DIS3L2: variants seen among roughly 807,000 people sequenced by gnomAD.
DIS3L2 encodes DIS3-like exonuclease 2.
Under a neutral mutation model 97.5 loss-of-function variants are expected in DIS3L2, and 34 were observed. The ratio of observed to expected loss-of-function variants is 0.35; its 90% CI spans 0.27 to 0.46. The LOEUF is 0.46. Among genes scored for constraint, DIS3L2 ranks in the 20% least tolerant of loss-of-function variants. The pLI, the probability that DIS3L2 is intolerant of heterozygous loss-of-function variation, is 1.00. For synonymous variants in DIS3L2, 435 were observed against 445.2 expected (o/e 0.98, Z 0.29); for missense variants, 1,038 against 1,146.0 (o/e 0.91, Z 1.36).
chr2:232,278,305 G>A (rs1445118967), intron 13 of DIS3L2, among the ~76,000 whole-genome samples: 1 of 151,564 alleles, frequency 6.6e-6, no homozygotes, highest in Non-Finnish European at 1.5e-5. Context: ...TTAGCTAAAA[G>A]CACTTTTTTC....
chr2:232,104,587 C>G (rs1004387890), intron 6 of DIS3L2, among the ~76,000 whole-genome samples: 13 of 152,146 alleles, frequency 8.5e-5, no homozygotes, highest in African/African-American at 2.9e-4. Context: ...CATTTCTCCC[C>G]CAACCCCTGA....
intron 10 of DIS3L2, among the ~76,000 whole-genome samples, chr2:232,223,560 G>A (rs1267088105): frequency 6.6e-6 from 1 of 152,122 alleles, no homozygotes; most frequent in Non-Finnish European, 1.5e-5. Flanking sequence ...ATATACTTCT[G>A]ATCCTTTTCC....
chr2:232,126,027 C>T (rs1022244240), intron 6 of DIS3L2, among the ~76,000 whole-genome samples: 5 of 152,192 alleles, frequency 3.3e-5, no homozygotes, highest in Non-Finnish European at 7.3e-5. Context: ...AGAGATTGAA[C>T]AAGCTTGGAT....
intron 6 of DIS3L2, among the ~76,000 whole-genome samples, chr2:232,109,696 A>T (rs1462382705): frequency 6.6e-6 from 1 of 152,138 alleles, no homozygotes; most frequent in Non-Finnish European, 1.5e-5. Context: ...CCTTCCTTAC[A>T]CTATATACAC....
intron 9 of DIS3L2, among the ~76,000 whole-genome samples, chr2:232,201,512 A>C (rs1017864654): frequency 1.6e-4 from 24 of 152,272 alleles, no homozygotes; most frequent in African/African-American, 5.8e-4. Context: ...ATAGTTGAGC[A>C]AGAAACAGGC....
chr2:232,305,031 C>A (rs991193624), intron 14 of DIS3L2, among the ~76,000 whole-genome samples: 1 of 152,110 alleles, frequency 6.6e-6, no homozygotes, highest in African/African-American at 2.4e-5. Context: ...AGTTTACTAT[C>A]GGCTGCTTAA....
rs1698369681 is a variant in DIS3L2 at position 232,136,718 on chromosome 2, G to A, written c.949G>A (p.Gly317Arg). 6.2e-7 allele frequency: 1 copy of A among 1,612,886 alleles called. No individual in the cohort carries two copies. The highest frequency in any genetic ancestry group is 8.5e-7 in the Non-Finnish European group (1 of 1,179,050). The change falls in exon 8 of 21, where the codon GGG becomes AGG. Residue 317 changes from glycine (G) to arginine (R), a missense_variant and splice_region_variant. Transcript: ENST00000325385. The part of the protein sequence containing the change: ...DWKEDCNFAL[G>R]QLAKSLGQAG... ...GAAGGAGGACTGCAATTTTGCCCTG[G>A]GGTAGGTGATCTCTGGTAGGAAAAA...
At chr2:231,977,113 T>C (rs1429627122) in intron 1 of DIS3L2, among the ~76,000 whole-genome samples, 1 of 152,170 alleles carries the variant, frequency 6.6e-6, no homozygotes, top group East Asian at 1.9e-4. Context: ...ATGTAACTTA[T>C]TAAATACTGC....
At chr2:232,104,703 A>G (rs1172282682) in intron 6 of DIS3L2, among the ~76,000 whole-genome samples, 1 of 152,172 alleles carries the variant, frequency 6.6e-6, no homozygotes, top group Non-Finnish European at 1.5e-5. Context: ...ACTTAGCACA[A>G]TGTTTTCAAG....
intron 11 of DIS3L2, among the ~76,000 whole-genome samples, chr2:232,242,161 T>C (rs1027792584): frequency 1.3e-5 from 2 of 152,228 alleles, no homozygotes; most frequent in African/African-American, 4.8e-5. Flanking sequence ...AGAAAACTCT[T>C]TAAACAGAGA....
chr2:232,137,833 A>G (rs547397118), intron 8 of DIS3L2, among the ~76,000 whole-genome samples: 2 of 152,280 alleles, frequency 1.3e-5, no homozygotes, highest in East Asian at 3.9e-4. Context: ...TGTGATTGCA[A>G]TGTCATCATT....
intron 1 of DIS3L2, among the ~76,000 whole-genome samples, chr2:232,001,071 A>G (rs1460651919): frequency 6.6e-6 from 1 of 152,156 alleles, no homozygotes; most frequent in Non-Finnish European, 1.5e-5. Flanking sequence ...ATACATACCC[A>G]GAAGTGGAAT....
intron 7 of DIS3L2, among the ~76,000 whole-genome samples, chr2:232,132,648 A>G (rs190374117): frequency 1.3e-5 from 2 of 152,316 alleles, no homozygotes; most frequent in Non-Finnish European, 2.9e-5. Flanking sequence ...ATTCTCACCC[A>G]TATCTAACAG....
chr2:232,128,993 A>ATAG (rs1035839168), intron 6 of DIS3L2, among the ~76,000 whole-genome samples: 3 of 152,192 alleles, frequency 2.0e-5, no homozygotes, highest in Non-Finnish European at 4.4e-5. Context: ...TTCAGGTCTG[A>ATAG]TAGAAAATCA....
At chr2:232,136,424 T>C (rs755267179) in intron 7 of DIS3L2, 48 bp from the exon 8 acceptor site, 52 of 1,602,724 alleles carry the variant, frequency 3.2e-5, no homozygotes, top group Non-Finnish European at 3.9e-5. Context: ...CCAAGTGTAA[T>C]TCAGTTCTGC....
intron 6 of DIS3L2, 98 bp from the exon 7 acceptor site, chr2:232,130,521 T>A: frequency 7.1e-7 from 1 of 1,407,486 alleles, no homozygotes; most frequent in Non-Finnish European, 9.5e-7. Flanking sequence ...TTGGGGTAAC[T>A]GGTATCCAGG....
At chr2:232,208,750 G>A (rs1692102173) in intron 9 of DIS3L2, among the ~76,000 whole-genome samples, 1 of 152,074 alleles carries the variant, frequency 6.6e-6, no homozygotes, top group African/African-American at 2.4e-5. Flanking sequence ...TTTTTGGGTT[G>A]GGCATCGTAG....
intron 12 of DIS3L2, 89 bp downstream of exon 12, chr2:232,249,435 G>C: frequency 7.4e-7 from 1 of 1,342,864 alleles, no homozygotes; most frequent in Non-Finnish European, 1.0e-6. Flanking sequence ...CACTGGCTTG[G>C]GTGCCATGGT....
At chr2:232,155,017 C>A (rs917811658) in intron 8 of DIS3L2, among the ~76,000 whole-genome samples, 1 of 149,016 alleles carries the variant, frequency 6.7e-6, no homozygotes, top group Non-Finnish European at 1.5e-5. Flanking sequence ...ACTCCCTGAC[C>A]CCTTGCGCTT....
Sources: gnomAD v4.1 joint callset for allele counts (sites outside exome capture counted in the v4.1 genomes callset) on GRCh38, gnomAD v4.1.1 for gene constraint, MANE v1.5 for transcripts, NCBI Gene and HGNC (gene_info 2026-07-23, HGNC 2026-07-21) for gene names.